CAMK2D: variants seen among roughly 807,000 people sequenced by gnomAD.
CAMK2D encodes calcium/calmodulin dependent protein kinase II delta, also known as calcium/calmodulin-dependent protein kinase type II subunit delta.
In CAMK2D, 37 loss-of-function variants were observed where a neutral mutation model predicts 84.0. The observed-to-expected ratio is 0.44, with a 90% CI of 0.34 to 0.58. CAMK2D has a LOEUF of 0.58. Among genes scored for constraint, CAMK2D ranks in the 20% least tolerant of loss-of-function variants. The probability of loss-of-function intolerance (pLI) is 0.02; values close to 1 mark genes in which losing one functional copy is unlikely to be tolerated. For synonymous variants in CAMK2D, 202 were observed against 212.5 expected, an observed-to-expected ratio of 0.95 and a Z score of 0.43; for missense variants, 448 against 652.5, an observed-to-expected ratio of 0.69 and a Z score of 3.41.
At chr4:113,728,912 C>A (rs563738101) in intron 2 of CAMK2D, among the ~76,000 whole-genome samples, 157 of 152,228 alleles carry the variant, frequency 1.0e-3, no homozygotes, top group African/African-American at 3.6e-3. Flanking sequence ...TTCCAAAGAA[C>A]AGTCCTAATA....
intron 4 of CAMK2D, among the ~76,000 whole-genome samples, chr4:113,591,689 C>T (rs1180616152): frequency 6.6e-6 from 1 of 152,214 alleles, no homozygotes; most frequent in Non-Finnish European, 1.5e-5. Context: ...TTACCGTGCT[C>T]TCCTTTCACC....
intron 2 of CAMK2D, among the ~76,000 whole-genome samples, chr4:113,682,983 C>T (rs745784570): frequency 3.9e-5 from 6 of 152,162 alleles, no homozygotes; most frequent in Non-Finnish European, 5.9e-5. Context: ...ACCCTAAATA[C>T]ATTTGAGTCA....
chr4:113,661,090 C>T (rs1044005377), intron 3 of CAMK2D, among the ~76,000 whole-genome samples: 7 of 152,110 alleles, frequency 4.6e-5, no homozygotes, highest in African/African-American at 1.7e-4. Flanking sequence ...CCACCGCGCC[C>T]GGCCTGTAGC....
chr4:113,653,241 T>C (rs902335600), intron 3 of CAMK2D, among the ~76,000 whole-genome samples: 2 of 152,092 alleles, frequency 1.3e-5, no homozygotes, highest in Non-Finnish European at 1.5e-5. Context: ...GAAAAATATA[T>C]CGCTGTGCTA....
intron 4 of CAMK2D, among the ~76,000 whole-genome samples, chr4:113,589,784 T>C (rs1220486896): frequency 6.6e-6 from 1 of 152,148 alleles, no homozygotes; most frequent in Admixed American, 6.5e-5. Flanking sequence ...TGGATATCAT[T>C]AGCTTATAGA....
intron 9 of CAMK2D, among the ~76,000 whole-genome samples, chr4:113,516,874 A>G (rs1428729056): frequency 6.6e-6 from 1 of 152,194 alleles, no homozygotes; most frequent in Non-Finnish European, 1.5e-5. Flanking sequence ...TCATATTTAC[A>G]AGAATATGTA....
At chr4:113,482,447 A>G (rs1293009695) in intron 16 of CAMK2D, among the ~76,000 whole-genome samples, 1 of 152,206 alleles carries the variant, frequency 6.6e-6, no homozygotes, top group Non-Finnish European at 1.5e-5. Flanking sequence ...AGTCATATCA[A>G]TTCAGTTTTC....
intron 3 of CAMK2D, among the ~76,000 whole-genome samples, chr4:113,640,784 A>T (rs2099129710): frequency 6.6e-6 from 1 of 152,262 alleles, no homozygotes; most frequent in African/African-American, 2.4e-5. Flanking sequence ...TCAACAAGAA[A>T]GGAATGAGGG....
intron 16 of CAMK2D, among the ~76,000 whole-genome samples, chr4:113,479,028 T>C (rs554616304): frequency 6.6e-6 from 1 of 152,316 alleles, no homozygotes; most frequent in Non-Finnish European, 1.5e-5. Context: ...CATGCAGTGA[T>C]GTTAATAAAG....
At chr4:113,542,932 T>C (rs1225070110) in intron 6 of CAMK2D, among the ~76,000 whole-genome samples, 3 of 152,240 alleles carry the variant, frequency 2.0e-5, no homozygotes, top group Non-Finnish European at 4.4e-5. Flanking sequence ...GTAATGTTCT[T>C]CTGAATAGGG....
At chr4:113,645,204 G>A (rs1470004903) in intron 3 of CAMK2D, among the ~76,000 whole-genome samples, 4 of 151,990 alleles carry the variant, frequency 2.6e-5, no homozygotes, top group Admixed American at 1.3e-4. Flanking sequence ...TTTTAGTAGA[G>A]ACAGGGTTTC....
chr4:113,688,910 C>CAAAAAAAAAAAAAAAAAAAAAAAGATA, intron 2 of CAMK2D, among the ~76,000 whole-genome samples: 1 of 49,716 alleles, frequency 2.0e-5, no homozygotes, highest in East Asian at 6.4e-4. Flanking sequence ...AAAGAAGATG[C>CAAAAAAAAAAAAAAAAAAAAAAAGATA]AAAAAAAAAA....
chr4:113,600,206 G>A (rs573169899), intron 4 of CAMK2D, among the ~76,000 whole-genome samples: 2 of 152,284 alleles, frequency 1.3e-5, no homozygotes, highest in East Asian at 1.9e-4. Flanking sequence ...TCCTACAATT[G>A]TGGTTACAGA....
intron 16 of CAMK2D, among the ~76,000 whole-genome samples, chr4:113,488,164 T>C (rs1365036924): frequency 1.3e-5 from 2 of 152,104 alleles, no homozygotes; most frequent in Admixed American, 1.3e-4. Flanking sequence ...CTTATTAAAT[T>C]GGACAATTTT....
chr4:113,500,936 G>A (rs928353759), intron 15 of CAMK2D, among the ~76,000 whole-genome samples: 3 of 152,006 alleles, frequency 2.0e-5, no homozygotes, highest in Admixed American at 6.6e-5. Flanking sequence ...TCAATAAAGA[G>A]TACCTTCTTT....
chr4:113,570,267 T>C (rs1378944131), intron 4 of CAMK2D, among the ~76,000 whole-genome samples: 2 of 151,992 alleles, frequency 1.3e-5, no homozygotes, highest in Admixed American at 6.6e-5. Context: ...TTCACAGAAA[T>C]AGAAAAAACA....
At chr4:113,615,195 G>A (rs1561371136) in intron 3 of CAMK2D, among the ~76,000 whole-genome samples, 2 of 152,090 alleles carry the variant, frequency 1.3e-5, no homozygotes, top group Non-Finnish European at 1.5e-5. Flanking sequence ...CACTAGCCAA[G>A]TTAGGCCATC....
chr4:113,655,606 G>C (rs2099196184), intron 3 of CAMK2D, among the ~76,000 whole-genome samples: 1 of 151,976 alleles, frequency 6.6e-6, no homozygotes, highest in South Asian at 2.1e-4. Context: ...TCTTTCTAAA[G>C]TCTACACAAA....
intron 2 of CAMK2D, among the ~76,000 whole-genome samples, chr4:113,716,649 C>CAAAAAAAAAAAAAAAAAAAAAAA (rs397750449): frequency 1.3e-5 from 1 of 76,176 alleles, no homozygotes. Flanking sequence ...AGACTCCATC[C>CAAAAAAAAAAAAAAAAAAAAAAA]AAAAAAAAAA....
Sources: allele counts gnomAD v4.1 joint callset (sites outside exome capture counted in the v4.1 genomes callset), GRCh38; gene constraint gnomAD v4.1.1; transcripts MANE v1.5; gene names NCBI Gene and HGNC (gene_info 2026-07-23, HGNC 2026-07-21).